The following HMGA2 variants were observed in gnomAD, a reference collection of about 807,000 sequenced individuals.
The protein encoded by HMGA2 is high mobility group protein HMGI-C.
HMGA2 carries 8 observed loss-of-function variants against 19.1 expected under a neutral mutation model. The ratio of observed to expected loss-of-function variants is 0.42; its 90% confidence interval spans 0.25 to 0.76. The LOEUF is 0.76. HMGA2 is among the 30% of genes least tolerant of loss of function. The pLI is 0.28. For missense variants in HMGA2, 109 were observed against 136.3 expected (o/e 0.80, Z 1.00); for synonymous variants, 60 against 48.8 (o/e 1.23, Z -0.96).
intron 3 of HMGA2, among the ~76,000 whole-genome samples, chr12:65,921,328 C>T (rs576434183): frequency 1.7e-4 from 26 of 152,140 alleles, no homozygotes; most frequent in Non-Finnish European, 3.2e-4. Flanking sequence ...GGCAGGATCT[C>T]GGCTCACTGC....
intron 3 of HMGA2, chr12:65,842,891 A>T: frequency 3.2e-6 from 4 of 1,251,052 alleles, no homozygotes; most frequent in Non-Finnish European, 4.0e-6. Flanking sequence ...GCTCAAGAAT[A>T]CAATGAAGTA....
chr12:65,899,097 G>A (rs1201010040), intron 3 of HMGA2, among the ~76,000 whole-genome samples: 7 of 150,922 alleles, frequency 4.6e-5, no homozygotes, highest in Admixed American at 2.6e-4. Context: ...GGCTTAGGGA[G>A]GTTCTGGTGT....
chr12:65,825,164 C>A lies in HMGA2; in HGVS notation c.-107C>A. 2.1e-6 allele frequency: 2 copies of A among 966,528 alleles called. No homozygotes were observed. The highest frequency in any genetic ancestry group is 2.9e-6 in the Non-Finnish European group (2 of 682,848). The allele number at this position is 966,528 out of a possible 1,614,324, so 59.9% of individuals were successfully genotyped here. On this transcript the variant is annotated 5_prime_UTR_variant, in exon 1 of 5. Coordinates refer to ENST00000403681, the MANE Select transcript of HMGA2 (RefSeq NM_003483.6). The surrounding 1 kb of genome is among the most constrained non-coding windows in gnomAD (Gnocchi z 4.4). ...GCAGCCCGCCAGCTCGCGCTCGCCC[C>A]GCCGGCGTCCCCAGCCCTATCACCT...
rs926958852 is a variant in HMGA2 at position 65,825,699 on chromosome 12, A to C, written c.111+318A>C. ...TGGCGCGGTGTCGCCCAGTGACTGG[A>C]AGCGACCGGGATCCGACAAACCCGG... is the stretch of plus-strand genomic sequence containing the variant. On this transcript the variant is annotated intron_variant, in intron 1 of 4. Coordinates refer to ENST00000403681, the MANE Select transcript of HMGA2 (RefSeq NM_003483.6). The surrounding 1 kb of genome is among the most constrained non-coding windows in gnomAD (Gnocchi z 4.4). 1.3e-5 allele frequency among the ~76,000 whole-genome samples: 2 copies of C among 152,056 alleles called. No homozygotes were observed. The highest frequency in any genetic ancestry group is 4.8e-5 in the African/African-American group (2 of 41,416).
intron 3 of HMGA2, among the ~76,000 whole-genome samples, chr12:65,942,018 G>A (rs1876106066): frequency 6.6e-6 from 1 of 152,190 alleles, no homozygotes; most frequent in Non-Finnish European, 1.5e-5. Context: ...TCAAGAAGAT[G>A]CATATCTTAA....
intron 3 of HMGA2, among the ~76,000 whole-genome samples, chr12:65,879,484 T>C (rs1023772996): frequency 6.6e-6 from 1 of 152,184 alleles, no homozygotes; most frequent in Non-Finnish European, 1.5e-5. Flanking sequence ...TATATAAAGT[T>C]TTTTTCTTCT....
chr12:65,842,735 A>G, intron 3 of HMGA2: 1 of 1,441,034 alleles, frequency 6.9e-7, no homozygotes, highest in Non-Finnish European at 9.1e-7. Context: ...CAGAACTTCT[A>G]TAGAATTCCA....
At chr12:65,881,999 C>T in intron 3 of HMGA2, 1 of 687,260 alleles carries the variant, frequency 1.5e-6, no homozygotes, top group Non-Finnish European at 2.7e-6. Flanking sequence ...TGTCCCTGGG[C>T]GGTCAGTCGC....
chr12:65,860,687 C>T (rs564119386), intron 3 of HMGA2, among the ~76,000 whole-genome samples: 3 of 152,200 alleles, frequency 2.0e-5, no homozygotes, highest in South Asian at 2.1e-4. Flanking sequence ...CTTTAAACTG[C>T]GTAATTGGAA....
rs533307952 is a variant in HMGA2 at position 65,843,113 on chromosome 12, T to C, written c.249+4544T>C. The C allele has an allele frequency of 3.0e-4, 69 of 226,938 alleles. 2 individuals carry two copies. The South Asian group carries it at 0.011, about 38-fold the overall frequency. The allele number at this position is 226,938 out of a possible 1,614,324, so 14.1% of individuals were successfully genotyped here. On this transcript the variant is annotated intron_variant, in intron 3 of 4. Transcript: ENST00000403681. ...ATATTTCCCTATATGAATTAATGGT[T>C]TTTATAAGAAAAATATCTTTCTGGA...
intron 3 of HMGA2, among the ~76,000 whole-genome samples, chr12:65,847,521 T>G (rs1245041882): frequency 6.6e-6 from 1 of 152,316 alleles, no homozygotes; most frequent in East Asian, 1.9e-4. Context: ...GGTGCATATC[T>G]CCTATTTATC....
intron 2 of HMGA2, chr12:65,828,337 C>T: frequency 3.4e-6 from 1 of 293,556 alleles, no homozygotes; most frequent in African/African-American, 2.8e-5. Flanking sequence ...TAATTTGAAC[C>T]TTAAAACGGG....
At chr12:65,830,208 T>C (rs2120836698) in intron 2 of HMGA2, among the ~76,000 whole-genome samples, 1 of 152,138 alleles carries the variant, frequency 6.6e-6, no homozygotes, top group Middle Eastern at 3.4e-3. Flanking sequence ...ATGACATTGA[T>C]GAATCGTTCA....
At chr12:65,893,566 T>C (rs1426501892) in intron 3 of HMGA2, among the ~76,000 whole-genome samples, 1 of 152,202 alleles carries the variant, frequency 6.6e-6, no homozygotes, top group Non-Finnish European at 1.5e-5. Flanking sequence ...TTTTCATCCT[T>C]TGCAAACATT....
At chr12:65,921,569 G>A (rs570961816) in intron 3 of HMGA2, among the ~76,000 whole-genome samples, 1 of 152,176 alleles carries the variant, frequency 6.6e-6, no homozygotes, top group South Asian at 2.1e-4. Flanking sequence ...TATAAGGGAA[G>A]CAGAGCATAA....
intron 4 of HMGA2, 59 bp downstream of exon 4, chr12:65,951,474 GA>G: frequency 5.6e-6 from 6 of 1,065,580 alleles, no homozygotes; most frequent in Admixed American, 2.1e-5. Flanking sequence ...AATATGTACT[GA>G]AAAATGTCCC....
intron 3 of HMGA2, chr12:65,881,490 G>C (rs574939795): frequency 7.2e-6 from 4 of 553,868 alleles, no homozygotes; most frequent in Non-Finnish European, 1.3e-5. Flanking sequence ...AAGCAATCTT[G>C]CTTAATAGTA....
intron 2 of HMGA2, chr12:65,830,972 T>C (rs1310615098): frequency 6.6e-6 from 1 of 151,882 alleles, no homozygotes; most frequent in Non-Finnish European, 1.5e-5. Context: ...TCCTCAGAAC[T>C]CCAATCTGAG....
At position 65,828,036 on chromosome 12, in the gene HMGA2, G is replaced by A. The variant is rs1355466423; in HGVS notation, c.147G>A (p.Arg49=). The A allele has an allele frequency of 6.2e-7, 1 of 1,613,834 alleles. No homozygotes were observed. Among genetic ancestry groups the A allele is most frequent in the South Asian group, 1.1e-5 (1 of 91,062 alleles). ...GTGAGCCCTCTCCTAAGAGACCCAG[G>A]GGAAGACCCAAAGGCAGCAAAAACA... ...PTGEPSPKRP[R]GRPKGSKNKS... is the part of the protein sequence containing the mutation. The change falls in exon 2 of 5, where the codon AGG becomes AGA. Residue 49 remains arginine, a synonymous_variant. Transcript: ENST00000403681.
Sources: gnomAD v4.1 joint callset for allele counts (sites outside exome capture counted in the v4.1 genomes callset) on GRCh38, gnomAD v4.1.1 for gene constraint, Gnocchi (gnomAD v3.1) non-coding constraint, MANE v1.5 for transcripts, NCBI Gene and HGNC (gene_info 2026-07-23, HGNC 2026-07-21) for gene names.